The following CFAP43 variants were observed in gnomAD, a reference collection of about 807,000 sequenced individuals.
CFAP43 encodes cilia and flagella associated protein 43.
CFAP43 carries 155 observed loss-of-function variants against 218.9 expected under a neutral mutation model. The ratio of observed to expected loss-of-function variants is 0.71; its 90% CI spans 0.62 to 0.81. CFAP43 has a LOEUF of 0.81. Ranked by LOEUF, CFAP43 falls within the 30% of genes least tolerant of loss-of-function variation. CFAP43 has a pLI of 0.00. For missense variants in CFAP43, 1,778 were observed against 1,954.3 expected, an observed-to-expected ratio of 0.91 and a Z score of 1.70; for synonymous variants, 645 against 681.3, an observed-to-expected ratio of 0.95 and a Z score of 0.83.
chr10:104,173,015 A>G (rs2089472274), intron 19 of CFAP43, among the ~76,000 whole-genome samples: 3 of 152,318 alleles, frequency 2.0e-5, no homozygotes, highest in South Asian at 4.1e-4. Flanking sequence ...TTGAACTTCT[A>G]TACAATAAAA....
At chr10:104,156,321 T>C (rs1229306130) in intron 27 of CFAP43, among the ~76,000 whole-genome samples, 1 of 152,110 alleles carries the variant, frequency 6.6e-6, no homozygotes, top group African/African-American at 2.4e-5. Flanking sequence ...AAACATAATA[T>C]GTTGGTGTAT....
In CFAP43 at chr10:104,133,678, T is replaced by G. The variant is rs184028716; in HGVS notation, c.4538A>C (p.Asp1513Ala). 6.4e-4 allele frequency: 1,037 copies of G among 1,613,856 alleles called. 3 individuals are homozygous for G. Among genetic ancestry groups the G allele is most frequent in the Non-Finnish European group, 7.9e-4 (938 of 1,179,888 alleles). The change falls in exon 35 of 38, where the codon GAT becomes GCT. Residue 1513 changes from aspartate to alanine, a missense_variant. This residue lies in a region of CFAP43 where 211 missense variants were observed against 230.6 expected (regional missense o/e 0.91). Transcript: ENST00000357060. ...AATATCCCAAGCCTTCTGATTTAGA[T>G]CTTCCCTTTCCATCTCCATTTTCTT... ...EHKKMEMERE[D>A]LNQKAWDIQM... is the part of the protein sequence containing the mutation.
At chr10:104,142,429 TGG>T (rs767472637) in intron 32 of CFAP43, 36 bp from the exon 33 acceptor site, 3 of 1,539,354 alleles carry the variant, frequency 1.9e-6, no homozygotes, top group Non-Finnish European at 2.7e-6. Context: ...TCAGAACATA[TGG>T]AGCTTCAATT....
chr10:104,225,558 C>T lies in CFAP43; in HGVS notation c.320-1G>A. ...AAAGTGTAGTCCAGGAGAATGTTGCCTAAAATATAAAATCCATTATCAGGA... is the reference window on the plus strand; with the variant it reads ...AAAGTGTAGTCCAGGAGAATGTTGCTTAAAATATAAAATCCATTATCAGGA... On this transcript the variant is annotated splice_acceptor_variant, in intron 2 of 37. Coordinates refer to ENST00000357060, the MANE Select transcript of CFAP43 (RefSeq NM_025145.7). LOFTEE classifies it high-confidence loss of function. The T allele has an allele frequency of 5.0e-6, 8 of 1,607,110 alleles. No homozygotes were observed. Among genetic ancestry groups the T allele is most frequent in the Non-Finnish European group, 6.8e-6 (8 of 1,176,386 alleles).
At chr10:104,152,794 A>G in intron 27 of CFAP43, 68 bp from the exon 28 acceptor site, 2 of 1,533,698 alleles carry the variant, frequency 1.3e-6, no homozygotes, top group Middle Eastern at 2.1e-4. Context: ...TGATGTTTAC[A>G]TTTCACCACA....
At chr10:104,203,412 G>GA in intron 8 of CFAP43, 2 of 397,090 alleles carry the variant, frequency 5.0e-6, no homozygotes, top group Non-Finnish European at 8.9e-6. Context: ...CCAAGAGATG[G>GA]AAAAAAACAA....
intron 15 of CFAP43, 37 bp downstream of exon 15, chr10:104,185,937 T>C: frequency 6.3e-7 from 1 of 1,592,436 alleles, no homozygotes; most frequent in South Asian, 1.1e-5. Context: ...GATCAATATA[T>C]ACACCCACAA....
intron 31 of CFAP43, among the ~76,000 whole-genome samples, chr10:104,144,157 A>G (rs1208253824): frequency 6.6e-6 from 1 of 152,182 alleles, no homozygotes; most frequent in Admixed American, 6.5e-5. Context: ...TATCATCCCC[A>G]TTCTCTAGAT....
At chr10:104,158,829 C>T (rs558217133) in intron 27 of CFAP43, among the ~76,000 whole-genome samples, 310 of 152,062 alleles carry the variant, frequency 2.0e-3, no homozygotes, top group Non-Finnish European at 3.2e-3. Context: ...TGTGATTTGT[C>T]TCCAACTATT....
chr10:104,168,046 A>T (rs2089252459), intron 21 of CFAP43, among the ~76,000 whole-genome samples: 1 of 152,018 alleles, frequency 6.6e-6, no homozygotes, highest in Admixed American at 6.6e-5. Context: ...ACTTTTTTTT[A>T]TTGTAATTAC....
At chr10:104,175,316 T>C (rs907455642) in intron 19 of CFAP43, among the ~76,000 whole-genome samples, 2 of 151,976 alleles carry the variant, frequency 1.3e-5, no homozygotes, top group African/African-American at 4.8e-5. Flanking sequence ...GCCTAGCTAC[T>C]TGGAAGGATG....
chr10:104,215,547 C>A (rs1367641715), intron 3 of CFAP43, among the ~76,000 whole-genome samples: 3 of 152,104 alleles, frequency 2.0e-5, no homozygotes. Context: ...GCCTGGGCTG[C>A]TAGAGACATG....
chr10:104,179,958 C>T, intron 17 of CFAP43, 26 bp from the exon 18 acceptor site: 1 of 1,570,388 alleles, frequency 6.4e-7, no homozygotes, highest in Non-Finnish European at 8.7e-7. Flanking sequence ...AAAAGACAGA[C>T]ATGTCTTAAA....
At chr10:104,198,080 G>A in intron 8 of CFAP43, 42 bp from the exon 9 acceptor site, 1 of 1,187,856 alleles carries the variant, frequency 8.4e-7, no homozygotes, top group Non-Finnish European at 1.2e-6. Context: ...TGTAATTGTT[G>A]TGTATATAGT....
rs1484523345 is a variant in CFAP43 at position 104,157,775 on chromosome 10, T to TGTGTGAGAGAGAGAGAGA, written c.3540+3261_3540+3262insTCTCTCTCTCTCTCACAC. On this transcript the variant is annotated intron_variant, in intron 27 of 37. Transcript: ENST00000357060. ...GTGTGTGTGTGTGTGTGTGTGTGTG[T>TGTGTGAGAGAGAGAGAGA]GAGAGAGAGAGAGAGAGAGAGAGAG... Among the ~76,000 whole-genome samples, 125 of 90,138 alleles carry TGTGTGAGAGAGAGAGAGA rather than the reference T, an allele frequency of 1.4e-3. 1 individual carries two copies. Among genetic ancestry groups the TGTGTGAGAGAGAGAGAGA allele is most frequent in the African/African-American group, 5.8e-3 (116 of 19,998 alleles). The allele number at this position is 90,138 out of a possible 152,430, so 59.1% of individuals were successfully genotyped here.
At chr10:104,188,130 G>T in intron 13 of CFAP43, 140 bp downstream of exon 13, 3 of 1,043,750 alleles carry the variant, frequency 2.9e-6, no homozygotes, top group Non-Finnish European at 2.7e-6. Context: ...TTAGCATGTT[G>T]GTTTTACTTT....
At chr10:104,138,509 C>T (rs773344831) in intron 34 of CFAP43, among the ~76,000 whole-genome samples, 10 of 152,014 alleles carry the variant, frequency 6.6e-5, no homozygotes, top group Non-Finnish European at 1.3e-4. Context: ...AACCCCGCCT[C>T]TACTGAAAAT....
chr10:104,219,196 C>T (rs1484573854), intron 3 of CFAP43, among the ~76,000 whole-genome samples: 1 of 151,854 alleles, frequency 6.6e-6, no homozygotes, highest in Non-Finnish European at 1.5e-5. Context: ...GCCCAAGTCA[C>T]ACGCAACTCT....
At chr10:104,152,532 T>C (rs1341110115) in intron 28 of CFAP43, 75 bp downstream of exon 28, 1 of 1,581,818 alleles carries the variant, frequency 6.3e-7, no homozygotes, top group Non-Finnish European at 8.6e-7. Flanking sequence ...GGTAAGGATG[T>C]TGATCTTCAT....
Sources: allele counts gnomAD v4.1 joint callset (sites outside exome capture counted in the v4.1 genomes callset), GRCh38; gene constraint gnomAD v4.1.1; regional missense constraint gnomAD v4.1.1; transcripts MANE v1.5; gene names NCBI Gene and HGNC (gene_info 2026-07-23, HGNC 2026-07-21).